The following DLC1 variants were observed in gnomAD, a reference collection of about 807,000 sequenced individuals.
DLC1 encodes the protein DLC1 Rho GTPase activating protein.
In DLC1, 54 loss-of-function variants were observed where a neutral mutation model predicts 140.3. The observed-to-expected ratio is 0.38, with a 90% CI of 0.31 to 0.48. The LOEUF (loss-of-function observed/expected upper bound fraction) is 0.48. DLC1 is among the 20% of genes least tolerant of loss of function. The pLI is 0.96. For synonymous variants in DLC1, 986 were observed against 728.1 expected, an observed-to-expected ratio of 1.35 and a Z score of -5.70; for missense variants, 2,536 against 1,907.0, an observed-to-expected ratio of 1.33 and a Z score of -6.14.
At chr8:13,312,950 C>G (rs949632362) in intron 4 of DLC1, among the ~76,000 whole-genome samples, 14 of 152,058 alleles carry the variant, frequency 9.2e-5, no homozygotes, top group African/African-American at 3.4e-4. Context: ...GGCTGTTTAT[C>G]CTTCTTTTTG....
At chr8:13,436,546 A>G (rs947306229) in intron 2 of DLC1, among the ~76,000 whole-genome samples, 2 of 152,236 alleles carry the variant, frequency 1.3e-5, no homozygotes, top group East Asian at 3.8e-4. Context: ...TGTCCGGACA[A>G]TTGGGCTTTA....
intron 2 of DLC1, among the ~76,000 whole-genome samples, chr8:13,448,380 T>C (rs915083375): frequency 5.3e-5 from 8 of 151,874 alleles, no homozygotes; most frequent in South Asian, 4.2e-4. Flanking sequence ...TTTTTTTTTT[T>C]TGAGACAGGG....
At chr8:13,413,088 G>A (rs548072466) in intron 2 of DLC1, among the ~76,000 whole-genome samples, 1 of 151,830 alleles carries the variant, frequency 6.6e-6, no homozygotes, top group Non-Finnish European at 1.5e-5. Context: ...ACAGTACTTG[G>A]GACCCTGCTA....
intron 5 of DLC1, among the ~76,000 whole-genome samples, chr8:13,135,713 G>T (rs1318021342): frequency 1.1e-4 from 16 of 152,070 alleles, no homozygotes; most frequent in Non-Finnish European, 2.2e-4. Context: ...GCTGGTTAAA[G>T]TTGTATTCTA....
intron 7 of DLC1, among the ~76,000 whole-genome samples, chr8:13,103,355 T>G (rs1563604135): frequency 6.6e-6 from 1 of 151,036 alleles, no homozygotes; most frequent in East Asian, 2.0e-4. Context: ...AATAAATAAA[T>G]AAATACCTTT....
chr8:13,208,061 T>C (rs1025597892), intron 5 of DLC1, among the ~76,000 whole-genome samples: 1 of 152,194 alleles, frequency 6.6e-6, no homozygotes, highest in Non-Finnish European at 1.5e-5. Context: ...AAATCCATCT[T>C]ATGTTTAGCT....
intron 5 of DLC1, among the ~76,000 whole-genome samples, chr8:13,228,938 C>A (rs1828925283): frequency 1.3e-5 from 2 of 152,176 alleles, no homozygotes; most frequent in South Asian, 2.1e-4. Context: ...CAGATTATAA[C>A]AAGTGTTGGT....
intron 3 of DLC1, among the ~76,000 whole-genome samples, chr8:13,396,582 A>G (rs1021004689): frequency 4.6e-5 from 7 of 152,192 alleles, no homozygotes; most frequent in Non-Finnish European, 8.8e-5. Context: ...GGGTGAAGCC[A>G]AGGCTTAAGG....
intron 10 of DLC1, 109 bp downstream of exon 10, chr8:13,098,290 A>G: frequency 7.5e-7 from 1 of 1,336,512 alleles, no homozygotes; most frequent in Non-Finnish European, 1.0e-6. Context: ...GACAGATGAA[A>G]TATATTAATA....
intron 5 of DLC1, among the ~76,000 whole-genome samples, chr8:13,159,655 C>A (rs1054956879): frequency 1.5e-4 from 23 of 152,238 alleles, no homozygotes; most frequent in Admixed American, 8.5e-4. Flanking sequence ...GGCACAGGTA[C>A]TACAGAACAG....
intron 5 of DLC1, among the ~76,000 whole-genome samples, chr8:13,137,580 C>G (rs1822663684): frequency 1.4e-5 from 2 of 147,936 alleles, no homozygotes; most frequent in African/African-American, 5.0e-5. Flanking sequence ...CTTTCTTCAG[C>G]TTGGACATCA....
At chr8:13,537,648 C>CTTTTTTTTTTTTTTTTTTTTTTTTTTTT in intron 1 of DLC1, among the ~76,000 whole-genome samples, 2 of 90,348 alleles carry the variant, frequency 2.2e-5, no homozygotes. Flanking sequence ...ACAGCTAACT[C>CTTTTTTTTTTTTTTTTTTTTTTTTTTTT]TTTTTTTTTT....
At chr8:13,231,504 A>T (rs1000671122) in intron 5 of DLC1, among the ~76,000 whole-genome samples, 7 of 152,226 alleles carry the variant, frequency 4.6e-5, no homozygotes, top group Non-Finnish European at 2.9e-5. Context: ...ATTACTTCCT[A>T]ATTTACAAAA....
chr8:13,206,373 G>A (rs1312984042), intron 5 of DLC1, among the ~76,000 whole-genome samples: 4 of 152,136 alleles, frequency 2.6e-5, no homozygotes, highest in African/African-American at 7.2e-5. Flanking sequence ...AAAAGGTTTG[G>A]AATATACAGT....
At chr8:13,187,795 C>A (rs186989987) in intron 5 of DLC1, among the ~76,000 whole-genome samples, 19 of 152,282 alleles carry the variant, frequency 1.2e-4, no homozygotes, top group Admixed American at 7.8e-4. Context: ...ATATTCACTG[C>A]ATGTTGGACT....
At chr8:13,562,046 G>A (rs1804262613) in intron 1 of DLC1, among the ~76,000 whole-genome samples, 1 of 152,136 alleles carries the variant, frequency 6.6e-6, no homozygotes, top group Non-Finnish European at 1.5e-5. Flanking sequence ...CAAAAAAGGA[G>A]ATAGAACAGG....
At chr8:13,596,768 A>C (rs1002327945) in intron 1 of DLC1, among the ~76,000 whole-genome samples, 2 of 152,046 alleles carry the variant, frequency 1.3e-5, no homozygotes, top group Admixed American at 6.6e-5. Flanking sequence ...GACTTCACAC[A>C]AATCTGGGTT....
Position 13,499,835 on chromosome 8 carries a change from A to C in DLC1, c.237T>G (p.Gly79=). ...ELRDFPGRPM[G]HLSKDVDEND... Reference sequence around the variant, plus strand: ...TTTCGTCCACATCCTTTGAAAGATGACCCATTGGCCTCCCAGGAAAATCTC... The same window carrying C: ...TTTCGTCCACATCCTTTGAAAGATGCCCCATTGGCCTCCCAGGAAAATCTC... The change falls in exon 2 of 18, where the codon GGT becomes GGG. Residue 79 remains glycine, a synonymous_variant. Coordinates refer to ENST00000276297, the MANE Select transcript of DLC1 (RefSeq NM_182643.3). 3.7e-6 allele frequency: 6 copies of C among 1,614,046 alleles called. No individual in the cohort carries two copies. The highest frequency in any genetic ancestry group is 5.1e-6 in the Non-Finnish European group (6 of 1,179,996).
chr8:13,243,669 A>T (rs1829637283), intron 5 of DLC1, among the ~76,000 whole-genome samples: 1 of 152,168 alleles, frequency 6.6e-6, no homozygotes, highest in African/African-American at 2.4e-5. Context: ...AAAAATTGTC[A>T]TCAGTATTTG....
Sources: allele counts gnomAD v4.1 joint callset (sites outside exome capture counted in the v4.1 genomes callset), GRCh38; gene constraint gnomAD v4.1.1; transcripts MANE v1.5; gene names NCBI Gene and HGNC (gene_info 2026-07-23, HGNC 2026-07-21).